RASGRF1: variants seen among roughly 807,000 people sequenced by gnomAD.
RASGRF1 encodes the protein Ras protein specific guanine nucleotide releasing factor 1.
Under a neutral mutation model 138.7 loss-of-function variants are expected in RASGRF1, and 40 were observed. The ratio of observed to expected loss-of-function variants is 0.29; its 90% CI spans 0.22 to 0.38. RASGRF1 has a LOEUF of 0.38. Ranked by LOEUF, RASGRF1 falls within the 10% of genes least tolerant of loss-of-function variation. RASGRF1 has a pLI of 1.00. For missense variants in RASGRF1, 1,108 were observed against 1,650.4 expected (o/e 0.67, Z 5.69); for synonymous variants, 614 against 663.2 (o/e 0.93, Z 1.14).
intron 3 of RASGRF1, among the ~76,000 whole-genome samples, chr15:79,056,922 GTGGA>G (rs1471471020): frequency 3.9e-5 from 6 of 152,286 alleles, no homozygotes; most frequent in African/African-American, 1.4e-4. Flanking sequence ...TGTTTAGTGA[GTGGA>G]ATTTGATGGG....
chr15:79,045,093 G>A (rs981694107), intron 5 of RASGRF1, among the ~76,000 whole-genome samples: 1 of 152,198 alleles, frequency 6.6e-6, no homozygotes, highest in Non-Finnish European at 1.5e-5. Flanking sequence ...GCCTCCTGAA[G>A]TAAACCTCAA....
intron 1 of RASGRF1, among the ~76,000 whole-genome samples, chr15:79,083,608 C>A (rs117190105): frequency 3.9e-5 from 6 of 152,292 alleles, no homozygotes; most frequent in Admixed American, 3.3e-4. Flanking sequence ...CTTTCTTTCT[C>A]CATGTATTTT....
chr15:79,047,346 C>G (rs2057369188), intron 4 of RASGRF1, among the ~76,000 whole-genome samples: 1 of 152,134 alleles, frequency 6.6e-6, no homozygotes, highest in South Asian at 2.1e-4. Flanking sequence ...TTAACAAGAC[C>G]CCTGGGTTGC....
chr15:79,013,274 G>C (rs2056828085), intron 13 of RASGRF1, among the ~76,000 whole-genome samples: 1 of 152,186 alleles, frequency 6.6e-6, no homozygotes, highest in Admixed American at 6.5e-5. Flanking sequence ...TGGGGACCAG[G>C]GCTGTTGCCT....
In RASGRF1 at chr15:79,017,886, T is replaced by C; in HGVS notation, c.1627A>G (p.Ile543Val). ...CCGATTTTAAAATCCAAGTGATCTA[T>C]GTCTTGGCCGGATCCTTTGGCTTCC... Reference protein sequence around the residue: ...EEEAKGSGQDIDHLDFKIGVE... With the variant: ...EEEAKGSGQDVDHLDFKIGVE... The change falls in exon 12 of 27, where the codon ATA becomes GTA. Residue 543 changes from isoleucine to valine, a missense_variant. Transcript: ENST00000558480. The C allele has an allele frequency of 1.2e-6, 2 of 1,613,228 alleles. No homozygotes were observed. Among genetic ancestry groups the C allele is most frequent in the Non-Finnish European group, 1.7e-6 (2 of 1,179,760 alleles).
At chr15:79,061,413 AATATATAT>A (rs57956576) in intron 2 of RASGRF1, among the ~76,000 whole-genome samples, 1 of 117,060 alleles carries the variant, frequency 8.5e-6, no homozygotes, top group African/African-American at 3.5e-5. Flanking sequence ...CTATCTTTAA[AATATATAT>A]ATATATATAT....
intron 24 of RASGRF1, among the ~76,000 whole-genome samples, chr15:78,977,504 C>A (rs2055897910): frequency 6.6e-6 from 1 of 152,166 alleles, no homozygotes; most frequent in South Asian, 2.1e-4. Flanking sequence ...TGGTCACAGG[C>A]AGAGAATAAA....
chr15:79,081,709 G>A (rs1417019461), intron 1 of RASGRF1, among the ~76,000 whole-genome samples: 1 of 152,154 alleles, frequency 6.6e-6, no homozygotes, highest in Non-Finnish European at 1.5e-5. Flanking sequence ...TTCACAGGCT[G>A]TCCCCTCGCT....
In RASGRF1 at chr15:79,027,347, AC is replaced by A. The variant is rs1359681886; in HGVS notation, c.1381+393del. ...GAAAGGACAGGGGAATGGACCCAAC[AC>A]TGACCTCCTCCCAGACACTGAAAAC... is the stretch of plus-strand genomic sequence containing the variant. On this transcript the variant is annotated intron_variant, in intron 9 of 26. Coordinates refer to ENST00000558480, the MANE Select transcript of RASGRF1 (RefSeq NM_001145648.3). This position sits in a 1 kb window ranked among gnomAD's most constrained non-coding sequence, Gnocchi z 4.8. Among the ~76,000 whole-genome samples the A allele has an allele frequency of 1.3e-5, 2 of 152,120 alleles. No homozygotes were observed. Among genetic ancestry groups the A allele is most frequent in the Non-Finnish European group, 2.9e-5 (2 of 68,012 alleles).
At chr15:79,075,010 C>T (rs74642540) in intron 1 of RASGRF1, among the ~76,000 whole-genome samples, 2,765 of 152,302 alleles carry the variant, frequency 0.018, 35 homozygotes, top group Non-Finnish European at 0.03. Flanking sequence ...CCAAGGCCTT[C>T]CCAAGTGCAT....
chr15:79,035,050 A>C (rs2141006314), intron 6 of RASGRF1, 81 bp downstream of exon 6: 1 of 1,232,514 alleles, frequency 8.1e-7, no homozygotes, highest in East Asian at 2.5e-5. Flanking sequence ...ATGCTCTAGA[A>C]GGACAAAACT....
chr15:79,038,970 C>T (rs1178465519), intron 5 of RASGRF1, among the ~76,000 whole-genome samples: 1 of 152,100 alleles, frequency 6.6e-6, no homozygotes, highest in Non-Finnish European at 1.5e-5. Context: ...ACCAATTAGC[C>T]AGATTAACCA....
chr15:78,989,376 GC>G (rs767415002), intron 22 of RASGRF1, among the ~76,000 whole-genome samples: 5 of 152,194 alleles, frequency 3.3e-5, no homozygotes, highest in South Asian at 4.1e-4. Flanking sequence ...GGCTGGAGGA[GC>G]TGGATATTGG....
intron 13 of RASGRF1, among the ~76,000 whole-genome samples, chr15:79,013,050 A>C (rs2056824828): frequency 6.6e-6 from 1 of 152,220 alleles, no homozygotes; most frequent in Admixed American, 6.5e-5. Flanking sequence ...CTAAACATAT[A>C]ATGGTAATTC....
chr15:78,982,000 C>T (rs534261872), intron 23 of RASGRF1, among the ~76,000 whole-genome samples: 81 of 152,312 alleles, frequency 5.3e-4, no homozygotes, highest in African/African-American at 1.5e-3. Context: ...TGACCTGATA[C>T]GGCTTGAGGT....
In RASGRF1 at chr15:79,031,515, GGC is replaced by G; in HGVS notation, c.1153-8_1153-7del. On this transcript the variant is annotated splice_polypyrimidine_tract_variant and splice_region_variant and intron_variant, in intron 7 of 26. Coordinates refer to ENST00000558480, the MANE Select transcript of RASGRF1 (RefSeq NM_001145648.3). Reference sequence around the variant, plus strand: ...GTCAGGATGTACCTGGGGATCTGCGGGCAGGTGGGAGAGGTGAGGGTGGAGAA... The same window carrying G: ...GTCAGGATGTACCTGGGGATCTGCGGAGGTGGGAGAGGTGAGGGTGGAGAA... The G allele has an allele frequency of 6.2e-7, 1 of 1,603,498 alleles. No individual in the cohort carries two copies. The highest frequency in any genetic ancestry group is 8.5e-7 in the Non-Finnish European group (1 of 1,171,574).
At chr15:78,965,123 G>T (rs551135415) in intron 26 of RASGRF1, among the ~76,000 whole-genome samples, 2 of 152,276 alleles carry the variant, frequency 1.3e-5, no homozygotes, top group East Asian at 3.9e-4. Flanking sequence ...TAAATCCCTA[G>T]GAGAAGGATC....
rs372130368 is a variant in RASGRF1 at position 79,024,040 on chromosome 15, AAC to A, written c.1542+1272_1542+1273del. 1.3e-3 allele frequency among the ~76,000 whole-genome samples: 192 copies of A among 146,360 alleles called. 2 individuals carry two copies. Among genetic ancestry groups the A allele is most frequent in the East Asian group, 5.7e-3 (28 of 4,936 alleles). On this transcript the variant is annotated intron_variant, in intron 10 of 26. Transcript: ENST00000558480. ...CACATCACACACACACACACATACA[AAC>A]ACACACACACACATACACATACACA... is the stretch of plus-strand genomic sequence containing the variant.
At chr15:79,075,579 C>A (rs1188383330) in intron 1 of RASGRF1, among the ~76,000 whole-genome samples, 8 of 152,252 alleles carry the variant, frequency 5.3e-5, no homozygotes. Context: ...CCTCTCCCAA[C>A]TGACCAGCAG....
Sources: gnomAD v4.1 joint callset for allele counts (sites outside exome capture counted in the v4.1 genomes callset) on GRCh38, gnomAD v4.1.1 for gene constraint, Gnocchi (gnomAD v3.1) non-coding constraint, MANE v1.5 for transcripts, NCBI Gene and HGNC (gene_info 2026-07-23, HGNC 2026-07-21) for gene names.